The following SBF2 variants were observed in gnomAD, a reference collection of about 807,000 sequenced individuals.
The protein encoded by SBF2 is myotubularin-related protein 13.
SBF2 carries 112 observed loss-of-function variants against 225.2 expected under a neutral mutation model. That is an observed-to-expected ratio of 0.50 (90% CI 0.43 to 0.58). The LOEUF (loss-of-function observed/expected upper bound fraction) is 0.58, where lower values mean the gene tolerates loss of function less well. SBF2 is among the 20% of genes least tolerant of loss of function. The probability of loss-of-function intolerance (pLI) is 0.00; values close to 1 mark genes in which losing one functional copy is unlikely to be tolerated. For synonymous variants in SBF2, 763 were observed against 773.3 expected, an observed-to-expected ratio of 0.99 and a Z score of 0.22; for missense variants, 1,996 against 2,206.2, an observed-to-expected ratio of 0.90 and a Z score of 1.91.
At chr11:9,899,419 G>A (rs117831246) in intron 16 of SBF2, among the ~76,000 whole-genome samples, 11,334 of 149,882 alleles carry the variant, frequency 0.076, 502 homozygotes, top group East Asian at 0.11. Flanking sequence ...TGGGAGGATC[G>A]CTTGAGCTTG....
intron 16 of SBF2, among the ~76,000 whole-genome samples, chr11:9,898,900 T>C (rs1418183063): frequency 6.6e-6 from 1 of 151,962 alleles, no homozygotes; most frequent in South Asian, 2.1e-4. Context: ...AAAAAGGGGC[T>C]AAGGACAGAA....
intron 2 of SBF2, among the ~76,000 whole-genome samples, chr11:10,190,431 T>C (rs1209583567): frequency 3.3e-5 from 5 of 152,226 alleles, no homozygotes; most frequent in Admixed American, 3.3e-4. Context: ...AGTCATTATG[T>C]TTGGTTTAGC....
At chr11:9,945,141 C>A (rs918296214) in intron 16 of SBF2, among the ~76,000 whole-genome samples, 1 of 151,782 alleles carries the variant, frequency 6.6e-6, no homozygotes, top group Non-Finnish European at 1.5e-5. Flanking sequence ...AAAAAAAAGG[C>A]CAAACATCCA....
At chr11:10,082,515 C>T (rs1195667851) in intron 2 of SBF2, among the ~76,000 whole-genome samples, 1 of 152,086 alleles carries the variant, frequency 6.6e-6, no homozygotes, top group African/African-American at 2.4e-5. Flanking sequence ...AATTCAACAG[C>T]ACGTCAAAAG....
chr11:10,040,365 C>G (rs1949607288), intron 3 of SBF2, among the ~76,000 whole-genome samples: 1 of 151,732 alleles, frequency 6.6e-6, no homozygotes, highest in Non-Finnish European at 1.5e-5. Flanking sequence ...TTGACACAGC[C>G]TGAAACTAAC....
chr11:10,119,473 T>C (rs1296612095), intron 2 of SBF2, among the ~76,000 whole-genome samples: 2 of 152,204 alleles, frequency 1.3e-5, no homozygotes, highest in African/African-American at 4.8e-5. Flanking sequence ...TAAATGTTCA[T>C]TTAACTGTTC....
At chr11:10,158,071 C>T (rs1325895840) in intron 2 of SBF2, among the ~76,000 whole-genome samples, 1 of 152,028 alleles carries the variant, frequency 6.6e-6, no homozygotes, top group Non-Finnish European at 1.5e-5. Context: ...TGGAAATTAA[C>T]ACACTCTTAA....
chr11:10,173,713 C>T (rs1211971501), intron 2 of SBF2, among the ~76,000 whole-genome samples: 1 of 151,684 alleles, frequency 6.6e-6, no homozygotes, highest in African/African-American at 2.4e-5. Flanking sequence ...GGGCAGGGCA[C>T]AGACAAACAA....
rs1958600811 is a variant in SBF2, at chr11:10,227,104, T to C, written c.56-33117A>G. 2.0e-5 allele frequency among the ~76,000 whole-genome samples: 3 copies of C among 152,338 alleles called. No individual in the cohort carries two copies. In the South Asian group the frequency reaches 6.2e-4, roughly 32 times the overall value. The stretch of plus-strand genomic sequence containing the variant: ...TGATGAGCATTTTTTCATGTGTTTT[T>C]TGGCTGCATAAATGTCTTCTTTTGA... On this transcript the variant is annotated intron_variant, in intron 1 of 39. Transcript: ENST00000256190.
At chr11:9,856,785 ATTTTTT>A (rs11322743) in intron 18 of SBF2, 65 bp from the exon 19 acceptor site, 103 of 1,042,294 alleles carry the variant, frequency 9.9e-5, no homozygotes, top group Non-Finnish European at 1.2e-4. Flanking sequence ...AAAAACATAG[ATTTTTT>A]TTTTTTTTTT....
At chr11:10,277,876 C>T (rs1457909219) in intron 1 of SBF2, among the ~76,000 whole-genome samples, 1 of 152,156 alleles carries the variant, frequency 6.6e-6, no homozygotes, top group African/African-American at 2.4e-5. Context: ...CCTCCTGTCA[C>T]CTTAACTTCA....
chr11:9,949,686 C>T (rs1865748387), intron 16 of SBF2, among the ~76,000 whole-genome samples: 1 of 151,966 alleles, frequency 6.6e-6, no homozygotes, highest in South Asian at 2.1e-4. Flanking sequence ...AAGAGTTCTG[C>T]ATTTACATTC....
At chr11:10,258,866 T>C (rs971514792) in intron 1 of SBF2, among the ~76,000 whole-genome samples, 1 of 151,850 alleles carries the variant, frequency 6.6e-6, no homozygotes, top group Non-Finnish European at 1.5e-5. Flanking sequence ...ATAGTGACAA[T>C]AGGGCAGCAG....
intron 16 of SBF2, chr11:9,956,585 G>T: frequency 1.0e-5 from 1 of 97,734 alleles, no homozygotes; most frequent in Non-Finnish European, 2.1e-5. Flanking sequence ...TTTTTTTTTG[G>T]AGATCTTATG....
At chr11:10,204,636 T>C (rs1014812286) in intron 1 of SBF2, among the ~76,000 whole-genome samples, 6 of 144,726 alleles carry the variant, frequency 4.1e-5, no homozygotes, top group African/African-American at 1.5e-4. Flanking sequence ...CCAGCCTGGG[T>C]GACAGAGCAA....
intron 17 of SBF2, among the ~76,000 whole-genome samples, chr11:9,882,739 T>C (rs1590321238): frequency 7.7e-6 from 1 of 130,376 alleles, no homozygotes; most frequent in Non-Finnish European, 1.6e-5. Context: ...CCCAGGAGGG[T>C]GGAGGTTGCA....
intron 1 of SBF2, among the ~76,000 whole-genome samples, chr11:10,268,328 A>G (rs1565418995): frequency 1.3e-5 from 2 of 152,248 alleles, no homozygotes; most frequent in South Asian, 4.1e-4. Flanking sequence ...TTAAGTTCTT[A>G]AACCTATATT....
At chr11:10,181,288 A>G (rs761406136) in intron 2 of SBF2, among the ~76,000 whole-genome samples, 2 of 152,138 alleles carry the variant, frequency 1.3e-5, no homozygotes, top group Admixed American at 6.5e-5. Context: ...AAGTAGCTAC[A>G]TAACACTGAG....
At chr11:9,891,490 C>G (rs1027154959) in intron 17 of SBF2, among the ~76,000 whole-genome samples, 4 of 152,086 alleles carry the variant, frequency 2.6e-5, no homozygotes, top group Admixed American at 2.6e-4. Flanking sequence ...TAGTATGTGT[C>G]GTGAGGGTAA....
Sources: gnomAD v4.1 joint callset for allele counts (sites outside exome capture counted in the v4.1 genomes callset) on GRCh38, gnomAD v4.1.1 for gene constraint, MANE v1.5 for transcripts, NCBI Gene and HGNC (gene_info 2026-07-23, HGNC 2026-07-21) for gene names.